The following SMG6 variants were observed in gnomAD, a reference collection of about 807,000 sequenced individuals.
SMG6 encodes the protein SMG6 nonsense mediated mRNA decay factor.
In SMG6, 66 loss-of-function variants were observed where a neutral mutation model predicts 142.2. The ratio of observed to expected loss-of-function variants is 0.46; its 90% CI spans 0.38 to 0.57. SMG6 has a LOEUF of 0.57. Among genes scored for constraint, SMG6 ranks in the 20% least tolerant of loss-of-function variants. SMG6 has a pLI of 0.00. For missense variants in SMG6, 1,793 were observed against 1,832.0 expected, an observed-to-expected ratio of 0.98 and a Z score of 0.39; for synonymous variants, 779 against 702.4, an observed-to-expected ratio of 1.11 and a Z score of -1.72.
At chr17:2,144,116 T>C (rs1226545730) in intron 13 of SMG6, among the ~76,000 whole-genome samples, 1 of 136,554 alleles carries the variant, frequency 7.3e-6, no homozygotes, top group Non-Finnish European at 1.6e-5. Context: ...TGGAGTGCAA[T>C]GGTGCGATCT....
intron 9 of SMG6, among the ~76,000 whole-genome samples, chr17:2,238,047 T>C (rs1296109734): frequency 6.6e-6 from 1 of 152,230 alleles, no homozygotes; most frequent in Admixed American, 6.5e-5. Context: ...TTTCAAGTTC[T>C]AGAGGAAGGT....
intron 8 of SMG6, among the ~76,000 whole-genome samples, chr17:2,257,160 A>C (rs986947303): frequency 1.3e-5 from 2 of 148,822 alleles, no homozygotes; most frequent in Non-Finnish European, 3.0e-5. Context: ...ATCTCGGCTC[A>C]CTGCAACCTC....
At chr17:2,148,954 G>A (rs1006116173) in intron 13 of SMG6, among the ~76,000 whole-genome samples, 5 of 152,098 alleles carry the variant, frequency 3.3e-5, no homozygotes, top group African/African-American at 1.2e-4. Context: ...CATGGGTACA[G>A]TGTTTGAGTT....
intron 13 of SMG6, among the ~76,000 whole-genome samples, chr17:2,121,779 G>C (rs1597421251): frequency 1.3e-5 from 2 of 151,904 alleles, no homozygotes; most frequent in Admixed American, 6.6e-5. Context: ...ACTACATTTG[G>C]CTAATTTTTG....
At chr17:2,136,028 G>GTC (rs1282391875) in intron 13 of SMG6, among the ~76,000 whole-genome samples, 4 of 149,534 alleles carry the variant, frequency 2.7e-5, no homozygotes, top group African/African-American at 9.9e-5. Flanking sequence ...GTGTGTGTGT[G>GTC]TGTGTGTGTC....
At chr17:2,144,049 C>CGTT (rs2070578482) in intron 13 of SMG6, among the ~76,000 whole-genome samples, 2 of 65,102 alleles carry the variant, frequency 3.1e-5, no homozygotes, top group Non-Finnish European at 5.5e-5. Context: ...ACCACGGCCG[C>CGTT]TTTTTTTTTT....
At chr17:2,178,413 C>T (rs2071710280) in intron 12 of SMG6, among the ~76,000 whole-genome samples, 1 of 152,040 alleles carries the variant, frequency 6.6e-6, no homozygotes, top group South Asian at 2.1e-4. Context: ...TGAAGGTAAT[C>T]CCTTCTATCT....
At chr17:2,193,360 G>A (rs1002710855) in intron 10 of SMG6, among the ~76,000 whole-genome samples, 5 of 152,116 alleles carry the variant, frequency 3.3e-5, no homozygotes, top group Admixed American at 6.5e-5. Flanking sequence ...CTGCAGAACC[G>A]TAAGTCAATG....
intron 10 of SMG6, among the ~76,000 whole-genome samples, chr17:2,204,003 G>A (rs528491823): frequency 3.9e-5 from 6 of 152,038 alleles, no homozygotes; most frequent in Non-Finnish European, 7.4e-5. Flanking sequence ...TTGCTCTGTT[G>A]CCCAGGCTGG....
At chr17:2,177,232 T>C (rs1461465260) in intron 12 of SMG6, among the ~76,000 whole-genome samples, 2 of 152,226 alleles carry the variant, frequency 1.3e-5, no homozygotes, top group African/African-American at 4.8e-5. Context: ...GTTACCCAAC[T>C]GCAGCATCCT....
At chr17:2,141,213 A>G (rs576528056) in intron 13 of SMG6, among the ~76,000 whole-genome samples, 4 of 152,350 alleles carry the variant, frequency 2.6e-5, no homozygotes, top group African/African-American at 9.6e-5. Context: ...TCATTACAGT[A>G]CTAAACACTG....
intron 8 of SMG6, among the ~76,000 whole-genome samples, chr17:2,262,042 T>G (rs954648023): frequency 6.6e-6 from 1 of 152,156 alleles, no homozygotes; most frequent in African/African-American, 2.4e-5. Context: ...AAAATCTCAA[T>G]AGCAAGAATA....
chr17:2,232,172 T>C (rs2073515619), intron 10 of SMG6, among the ~76,000 whole-genome samples: 1 of 152,180 alleles, frequency 6.6e-6, no homozygotes, highest in South Asian at 2.1e-4. Flanking sequence ...AGTGCTCCCC[T>C]ACCACAATGC....
chr17:2,258,791 G>A (rs1309691177), intron 8 of SMG6, among the ~76,000 whole-genome samples: 3 of 142,628 alleles, frequency 2.1e-5, no homozygotes, highest in African/African-American at 5.2e-5. Flanking sequence ...AGAGCAAGAC[G>A]CCAGCTCAAA....
At chr17:2,102,359 G>C (rs1028874149) in intron 13 of SMG6, among the ~76,000 whole-genome samples, 9 of 151,556 alleles carry the variant, frequency 5.9e-5, no homozygotes. Context: ...ACTCTTAAAG[G>C]AATTTTTTTT....
chr17:2,073,335 C>T lies in SMG6; in HGVS notation c.3682-4404G>A, dbSNP rs1055897656. 6.6e-5 allele frequency among the ~76,000 whole-genome samples: 10 copies of T among 152,030 alleles called. No homozygotes were observed. In the South Asian group the frequency reaches 1.2e-3, roughly 19 times the overall value. On this transcript the variant is annotated intron_variant, in intron 15 of 18. Transcript: ENST00000263073. ...CCGACCTCAGGTGATCCGCCCGCCTCGGTCCCCCAAAGTGCTGGGATTACA... is the reference window on the plus strand; with the variant it reads ...CCGACCTCAGGTGATCCGCCCGCCTTGGTCCCCCAAAGTGCTGGGATTACA...
chr17:2,245,050 C>T (rs1282732177), intron 8 of SMG6: 5 of 269,012 alleles, frequency 1.9e-5, no homozygotes, highest in Non-Finnish European at 2.8e-5. Flanking sequence ...GGAGCCACTC[C>T]GGCTCCATAA....
Position 2,292,856 on chromosome 17 carries a change from C to T in SMG6, c.2258+15G>A, listed in dbSNP as rs216205. On this transcript the variant is annotated intron_variant, in intron 5 of 18. Coordinates refer to ENST00000263073, the MANE Select transcript of SMG6 (RefSeq NM_017575.5). ...CACATAGGGAAGAGAAATAACGAAGCAGAGGTAAAAGTACCTGCGTGCTTT... is the reference window on the plus strand; with the variant it reads ...CACATAGGGAAGAGAAATAACGAAGTAGAGGTAAAAGTACCTGCGTGCTTT... 0.75 allele frequency: 1,202,993 copies of T among 1,604,596 alleles called. 451,849 individuals are homozygous for T. The highest frequency in any genetic ancestry group is 0.79 in the South Asian group (71,665 of 90,860).
At chr17:2,229,790 T>C (rs2073418581) in intron 10 of SMG6, among the ~76,000 whole-genome samples, 1 of 152,140 alleles carries the variant, frequency 6.6e-6, no homozygotes, top group Admixed American at 6.5e-5. Context: ...CATACCTACT[T>C]TCTCTGTGAA....
Sources: gnomAD v4.1 joint callset for allele counts (sites outside exome capture counted in the v4.1 genomes callset) on GRCh38, gnomAD v4.1.1 for gene constraint, MANE v1.5 for transcripts, NCBI Gene and HGNC (gene_info 2026-07-23, HGNC 2026-07-21) for gene names.